DAAM2: variants seen among roughly 807,000 people sequenced by gnomAD.
DAAM2 encodes the protein disheveled-associated activator of morphogenesis 2.
A neutral mutation model predicts 120.7 loss-of-function variants in DAAM2; 39 were observed. The ratio of observed to expected loss-of-function variants is 0.32; its 90% CI spans 0.25 to 0.42. The LOEUF (loss-of-function observed/expected upper bound fraction) is 0.42, where lower values mean the gene tolerates loss of function less well. Ranked by LOEUF, DAAM2 falls within the 10% of genes least tolerant of loss-of-function variation. The pLI, the probability that DAAM2 is intolerant of heterozygous loss-of-function variation, is 1.00. For missense variants in DAAM2, 1,283 were observed against 1,401.7 expected, an observed-to-expected ratio of 0.92 and a Z score of 1.35; for synonymous variants, 488 against 524.9, an observed-to-expected ratio of 0.93 and a Z score of 0.96.
In DAAM2 at chr6:39,901,501, A is replaced by AG; in HGVS notation, c.2982+33dup. ...AGGGGCAGTGCCAGGCCTGGGACTGAGGGGAGACGGGTGCTACTTGGGGAG... is the reference window on the plus strand; with the variant it reads ...AGGGGCAGTGCCAGGCCTGGGACTGAGGGGGAGACGGGTGCTACTTGGGGAG... On this transcript the variant is annotated intron_variant, in intron 24 of 24. Transcript: ENST00000274867. The surrounding 1 kb of genome is among the most constrained non-coding windows in gnomAD (Gnocchi z 4.5). The AG allele has an allele frequency of 6.3e-7, 1 of 1,588,490 alleles. No homozygotes were observed. Among genetic ancestry groups the AG allele is most frequent in the South Asian group, 1.1e-5 (1 of 89,266 alleles).
chr6:39,891,733 G>A lies in DAAM2; in HGVS notation c.2341+11G>A, dbSNP rs1765732805. On this transcript the variant is annotated intron_variant, in intron 19 of 24. Transcript: ENST00000274867. ...AGCCCAAAGTGGAAGGTAGGGCTGA[G>A]GGTTGCAGGAGGCTTAGAGTGGAGA... 6.3e-7 allele frequency: 1 copy of A among 1,591,172 alleles called. No individual in the cohort carries two copies. Among genetic ancestry groups the A allele is most frequent in the Non-Finnish European group, 8.6e-7 (1 of 1,168,468 alleles).
chr6:39,838,046 G>A (rs888672874), intron 1 of DAAM2, among the ~76,000 whole-genome samples: 3 of 152,176 alleles, frequency 2.0e-5, no homozygotes, highest in East Asian at 1.9e-4. Flanking sequence ...CAGTCCACAC[G>A]GATGCTTCTG....
At chr6:39,815,741 A>G (rs1015829474) in intron 1 of DAAM2, among the ~76,000 whole-genome samples, 7 of 152,048 alleles carry the variant, frequency 4.6e-5, no homozygotes, top group Non-Finnish European at 7.4e-5. Context: ...GGGGAGACCA[A>G]GGGTATTTGT....
intron 8 of DAAM2, among the ~76,000 whole-genome samples, chr6:39,870,753 A>G (rs532128588): frequency 6.6e-6 from 1 of 152,330 alleles, no homozygotes; most frequent in African/African-American, 2.4e-5. Context: ...ATGGTGGGCA[A>G]TACTGGTATT....
chr6:39,898,807 T>C (rs2149377337), intron 21 of DAAM2, 70 bp from the exon 22 acceptor site: 1 of 1,380,822 alleles, frequency 7.2e-7, no homozygotes, highest in Non-Finnish European at 1.0e-6. Flanking sequence ...GCCCTCTCCC[T>C]GAACCAGCCT....
chr6:39,883,230 T>G, intron 14 of DAAM2, among the ~76,000 whole-genome samples: 1 of 149,648 alleles, frequency 6.7e-6, no homozygotes, highest in African/African-American at 2.5e-5. Context: ...ATCCAGACCC[T>G]AGTGCAAGGG....
intron 1 of DAAM2, among the ~76,000 whole-genome samples, chr6:39,854,189 T>C (rs759818252): frequency 1.6e-4 from 24 of 152,248 alleles, no homozygotes; most frequent in Non-Finnish European, 3.1e-4. Flanking sequence ...TCTTGATTGC[T>C]TATTAATTGC....
At chr6:39,874,948 G>A (rs1408950023) in intron 10 of DAAM2, among the ~76,000 whole-genome samples, 1 of 152,086 alleles carries the variant, frequency 6.6e-6, no homozygotes, top group East Asian at 1.9e-4. Context: ...AACTTCCCTG[G>A]AGACTTCATT....
At chr6:39,875,519 C>G in intron 11 of DAAM2, 51 bp downstream of exon 11, 2 of 1,584,940 alleles carry the variant, frequency 1.3e-6, no homozygotes, top group Non-Finnish European at 1.7e-6. Context: ...CCTCATCACT[C>G]TCCCACTCTG....
In DAAM2 at chr6:39,878,197, T is replaced by C. The variant is rs1161401655; in HGVS notation, c.1302-6T>C. Reference sequence around the variant, plus strand: ...CACATTGCCCCTTCCCTCTATGCCCTGCCAGGCTCATCAACGAGAATGAAG... The same window carrying C: ...CACATTGCCCCTTCCCTCTATGCCCCGCCAGGCTCATCAACGAGAATGAAG... On this transcript the variant is annotated splice_region_variant and splice_polypyrimidine_tract_variant and intron_variant, in intron 11 of 24. Transcript: ENST00000274867. This position sits in a 1 kb window ranked among gnomAD's most constrained non-coding sequence, Gnocchi z 5.0. 1.2e-6 allele frequency: 2 copies of C among 1,613,844 alleles called. No homozygotes were observed. Among genetic ancestry groups the C allele is most frequent in the East Asian group, 2.2e-5 (1 of 44,888 alleles).
At chr6:39,889,686 C>A (rs2149354007) in intron 17 of DAAM2, among the ~76,000 whole-genome samples, 1 of 152,314 alleles carries the variant, frequency 6.6e-6, no homozygotes, top group Non-Finnish European at 1.5e-5. Context: ...GACTTCCCAA[C>A]AACTTAGCCG....
At chr6:39,896,025 T>C (rs1319927495) in intron 19 of DAAM2, among the ~76,000 whole-genome samples, 5 of 151,020 alleles carry the variant, frequency 3.3e-5, no homozygotes. Context: ...ATTTAGAATA[T>C]GTTATTTAAT....
rs966406131 is a variant in DAAM2 at position 39,864,613 on chromosome 6, C to T, written c.333+106C>T. The T allele has an allele frequency of 3.7e-5, 31 of 843,394 alleles. No homozygotes were observed. In the African/African-American group the frequency reaches 4.8e-4, roughly 13 times the overall value. 52.2% of individuals were successfully genotyped at this position (843,394 alleles called of 1,614,324 possible). ...ACACACCAAACTGCCTTTTACTGCTCCTCAGCGCCCCACTGCCCACTCACT... is the reference window on the plus strand; with the variant it reads ...ACACACCAAACTGCCTTTTACTGCTTCTCAGCGCCCCACTGCCCACTCACT... On this transcript the variant is annotated intron_variant, in intron 4 of 24. Coordinates refer to ENST00000274867, the MANE Select transcript of DAAM2 (RefSeq NM_001201427.2).
chr6:39,879,528 T>C (rs776790949), intron 14 of DAAM2, 51 bp downstream of exon 14: 2 of 1,613,020 alleles, frequency 1.2e-6, no homozygotes, highest in Admixed American at 3.3e-5. Flanking sequence ...AGCAGGGCAG[T>C]CAGCCTCAGG....
At position 39,887,549 on chromosome 6, in the gene DAAM2, A is replaced by T; in HGVS notation, c.2017A>T (p.Ile673Phe). 6.2e-7 allele frequency: 1 copy of T among 1,613,906 alleles called. No individual in the cohort carries two copies. Among genetic ancestry groups the T allele is most frequent in the Non-Finnish European group, 8.5e-7 (1 of 1,179,834 alleles). ...CCGCAAGGTCAAAGAGCTGTCGGTCATTGATGGCCGGAGGGCCCAAAACTG... is the reference window on the plus strand; with the variant it reads ...CCGCAAGGTCAAAGAGCTGTCGGTCTTTGATGGCCGGAGGGCCCAAAACTG... ...ASRKVKELSV[I>F]DGRRAQNCII... is the part of the protein sequence containing the mutation. The change falls in exon 16 of 25, where the codon ATT becomes TTT. Residue 673 changes from isoleucine to phenylalanine, a missense_variant. Around this residue, in one of 3 missense-constraint regions of DAAM2, gnomAD observed 748 missense variants for 768.6 expected, o/e 0.97. Coordinates refer to ENST00000274867, the MANE Select transcript of DAAM2 (RefSeq NM_001201427.2).
At chr6:39,831,965 G>GGGGGGTAGGTGCACT (rs1762925841) in intron 1 of DAAM2, among the ~76,000 whole-genome samples, 2 of 118,534 alleles carry the variant, frequency 1.7e-5, no homozygotes, top group Non-Finnish European at 3.5e-5. Flanking sequence ...TAGGTGCACT[G>GGGGGGTAGGTGCACT]GGGGGGTAGG....
intron 1 of DAAM2, among the ~76,000 whole-genome samples, chr6:39,798,988 A>T (rs572519148): frequency 6.6e-6 from 1 of 152,182 alleles, no homozygotes; most frequent in Non-Finnish European, 1.5e-5. Context: ...AAGCCAAACC[A>T]TATCAACTAG....
At chr6:39,842,581 C>T (rs138466625) in intron 1 of DAAM2, among the ~76,000 whole-genome samples, 2,253 of 152,020 alleles carry the variant, frequency 0.015, 22 homozygotes, top group Non-Finnish European at 0.022. Context: ...TGCAGTGAGC[C>T]GAGACTGTGC....
At chr6:39,895,584 T>G (rs569792693) in intron 19 of DAAM2, among the ~76,000 whole-genome samples, 2 of 152,328 alleles carry the variant, frequency 1.3e-5, no homozygotes, top group Non-Finnish European at 2.9e-5. Flanking sequence ...TCGTTTTCAT[T>G]TTATCTTCCT....
Sources: gnomAD v4.1 joint callset for allele counts (sites outside exome capture counted in the v4.1 genomes callset) on GRCh38, gnomAD v4.1.1 for gene constraint, gnomAD v4.1.1 regional missense constraint, Gnocchi (gnomAD v3.1) non-coding constraint, MANE v1.5 for transcripts, NCBI Gene and HGNC (gene_info 2026-07-23, HGNC 2026-07-21) for gene names.